SEMA3A: variants seen among roughly 807,000 people sequenced by gnomAD.
SEMA3A encodes the protein semaphorin 3A.
Under a neutral mutation model 97.9 loss-of-function variants are expected in SEMA3A, and 29 were observed. That is an observed-to-expected ratio of 0.30 (90% CI 0.22 to 0.40). The LOEUF (loss-of-function observed/expected upper bound fraction) is 0.40. Ranked by LOEUF, SEMA3A falls within the 10% of genes least tolerant of loss-of-function variation. The pLI is 1.00. For synonymous variants in SEMA3A, 321 were observed against 323.7 expected (o/e 0.99, Z 0.09); for missense variants, 763 against 951.3 (o/e 0.80, Z 2.60).
At chr7:84,458,470 G>C (rs1805742699) in intron 1 of SEMA3A, among the ~76,000 whole-genome samples, 1 of 152,002 alleles carries the variant, frequency 6.6e-6, no homozygotes, top group Non-Finnish European at 1.5e-5. Flanking sequence ...TTTGATAGGA[G>C]TTATATTTTA....
chr7:84,244,132 C>A (rs1008637999), intron 3 of SEMA3A, among the ~76,000 whole-genome samples: 1 of 152,146 alleles, frequency 6.6e-6, no homozygotes, highest in South Asian at 2.1e-4. Flanking sequence ...GAGCTGAGTT[C>A]AAGTCCTGAA....
rs144265483 is a variant in SEMA3A at position 84,376,850 on chromosome 7, T to TTATGTATGTATG, written c.-245-4962_-245-4951dup. On this transcript the variant is annotated intron_variant, in intron 1 of 3. Transcript: ENST00000424555. ...TGCATATTTTTAATCAGATTTATTT[T>TTATGTATGTATG]TATGTATGTATGTATGTATGTATGT... 2.7e-3 allele frequency among the ~76,000 whole-genome samples: 408 copies of TTATGTATGTATG among 151,384 alleles called. 2 individuals carry two copies. The highest frequency in any genetic ancestry group is 9.2e-3 in the African/African-American group (378 of 41,280).
At chr7:84,070,641 A>G (rs951067304) in intron 4 of SEMA3A, among the ~76,000 whole-genome samples, 7 of 152,250 alleles carry the variant, frequency 4.6e-5, no homozygotes, top group African/African-American at 1.4e-4. Flanking sequence ...GTATGTTATC[A>G]TATATTTTTT....
At chr7:84,463,237 CTT>C (rs59465422) in intron 1 of SEMA3A, among the ~76,000 whole-genome samples, 21 of 71,366 alleles carry the variant, frequency 2.9e-4, no homozygotes, top group African/African-American at 1.0e-3. Context: ...TGTAACTATT[CTT>C]TTTTTTTTTT....
At chr7:84,366,149 TC>T (rs1802842872) in intron 2 of SEMA3A, among the ~76,000 whole-genome samples, 1 of 151,314 alleles carries the variant, frequency 6.6e-6, no homozygotes, top group African/African-American at 2.4e-5. Flanking sequence ...GTCAAAGACC[TC>T]CTTCTCCATT....
At chr7:84,381,124 T>C (rs1386318366) in intron 1 of SEMA3A, among the ~76,000 whole-genome samples, 1 of 152,072 alleles carries the variant, frequency 6.6e-6, no homozygotes, top group Non-Finnish European at 1.5e-5. Context: ...GTTCTTGGAG[T>C]TTTCCATATT....
At chr7:84,434,119 A>G (rs903927832) in intron 1 of SEMA3A, among the ~76,000 whole-genome samples, 4 of 152,030 alleles carry the variant, frequency 2.6e-5, no homozygotes, top group African/African-American at 9.7e-5. Context: ...AGTCATTCTG[A>G]CTACTGTAAG....
intron 2 of SEMA3A, among the ~76,000 whole-genome samples, chr7:84,347,487 T>C (rs1584255026): frequency 2.7e-5 from 4 of 150,724 alleles, no homozygotes; most frequent in Admixed American, 2.0e-4. Flanking sequence ...TCTCAGCTCA[T>C]TGCAACCTCT....
intron 3 of SEMA3A, among the ~76,000 whole-genome samples, chr7:84,226,629 T>C (rs189553087): frequency 2.8e-4 from 43 of 152,192 alleles, no homozygotes; most frequent in African/African-American, 8.4e-4. Context: ...ATAGCCAATA[T>C]TGTAGTCAAA....
chr7:84,310,433 A>G (rs1483039054), intron 2 of SEMA3A, among the ~76,000 whole-genome samples: 1 of 152,060 alleles, frequency 6.6e-6, no homozygotes, highest in Non-Finnish European at 1.5e-5. Flanking sequence ...AGGTTCCATT[A>G]GTGTCAGGTA....
Position 83,958,599 on chromosome 7 carries a change from C to T in SEMA3A, c.*2772G>A, listed in dbSNP as rs7802100. 0.26 allele frequency: 40,116 copies of T among 152,388 alleles called. 5,509 individuals carry two copies. The highest frequency in any genetic ancestry group is 0.37 in the Middle Eastern group (109 of 294). The allele number at this position is 152,388 out of a possible 1,614,324, so 9.4% of individuals were successfully genotyped here. ...TCTTGCCTTTTAGGATGATGTTGAA[C>T]ACATTGAAATGGAGTACTTATAGAA... On this transcript the variant is annotated 3_prime_UTR_variant, in exon 17 of 17. Transcript: ENST00000265362.
chr7:84,376,603 CAAAAAAAAAA>C lies in SEMA3A; in HGVS notation c.-245-4713_-245-4704del, dbSNP rs60380985. ...TGGGCGACAGAGCGAGACTCCGTCT[CAAAAAAAAAA>C]AAAAAAAAAAAAAAAAAAAGAAGTG... On this transcript the variant is annotated intron_variant, in intron 1 of 3. Transcript: ENST00000424555. 1.6e-4 allele frequency among the ~76,000 whole-genome samples: 6 copies of C among 36,438 alleles called. 2 individuals are homozygous for C. In the East Asian group the frequency reaches 0.014, roughly 88 times the overall value. 23.9% of individuals were successfully genotyped at this position (36,438 alleles called of 152,430 possible).
chr7:84,423,951 T>G (rs925303776), intron 1 of SEMA3A, among the ~76,000 whole-genome samples: 1 of 151,890 alleles, frequency 6.6e-6, no homozygotes, highest in Non-Finnish European at 1.5e-5. Flanking sequence ...AGATAACACC[T>G]TACCCCAGCA....
intron 1 of SEMA3A, among the ~76,000 whole-genome samples, chr7:84,185,899 AAAGAAATAGAG>A (rs1797867635): frequency 1.3e-5 from 2 of 152,102 alleles, no homozygotes; most frequent in South Asian, 4.1e-4. Flanking sequence ...AAATTCCAAA[AAAGAAATAGAG>A]AAGCCCAACT....
At chr7:84,408,305 C>G (rs1269758783) in intron 1 of SEMA3A, among the ~76,000 whole-genome samples, 1 of 152,192 alleles carries the variant, frequency 6.6e-6, no homozygotes, top group African/African-American at 2.4e-5. Context: ...CTCACCATCA[C>G]TGGCCATCAG....
intron 3 of SEMA3A, among the ~76,000 whole-genome samples, chr7:84,127,276 C>G (rs1795828417): frequency 6.6e-6 from 1 of 152,046 alleles, no homozygotes; most frequent in South Asian, 2.1e-4. Context: ...GCCCCACTGC[C>G]CTGCCTCACT....
chr7:84,267,600 G>T (rs750550895), intron 3 of SEMA3A, among the ~76,000 whole-genome samples: 1 of 151,988 alleles, frequency 6.6e-6, no homozygotes, highest in South Asian at 2.1e-4. Context: ...AGTTTTATTT[G>T]CAAGTTTTGA....
intron 1 of SEMA3A, among the ~76,000 whole-genome samples, chr7:84,468,536 T>C (rs1000544423): frequency 6.6e-6 from 1 of 152,218 alleles, no homozygotes; most frequent in African/African-American, 2.4e-5. Context: ...TAACTTGGAA[T>C]GCTCCTTCTC....
chr7:84,280,785 T>A (rs1800422801), intron 3 of SEMA3A, among the ~76,000 whole-genome samples: 2 of 151,978 alleles, frequency 1.3e-5, no homozygotes, highest in Admixed American at 6.6e-5. Context: ...TGTCAAAAAA[T>A]AAATAAATAA....
Sources: gnomAD v4.1 joint callset for allele counts (sites outside exome capture counted in the v4.1 genomes callset) on GRCh38, gnomAD v4.1.1 for gene constraint, MANE v1.5 for transcripts, NCBI Gene and HGNC (gene_info 2026-07-23, HGNC 2026-07-21) for gene names.